Variants in PRKN observed in about 807,000 individuals in gnomAD.
The protein encoded by PRKN is E3 ubiquitin-protein ligase parkin.
A neutral mutation model predicts 59.5 loss-of-function variants in PRKN; 56 were observed. That is an observed-to-expected ratio of 0.94 (90% CI 0.76 to 1.18). PRKN has a LOEUF of 1.18. Ranked by LOEUF, PRKN falls within the 50% of genes most tolerant of loss-of-function variation. The pLI is 0.00. For synonymous variants in PRKN, 250 were observed against 222.1 expected, an observed-to-expected ratio of 1.13 and a Z score of -1.12; for missense variants, 657 against 596.4, an observed-to-expected ratio of 1.10 and a Z score of -1.06.
intron 4 of PRKN, among the ~76,000 whole-genome samples, chr6:162,102,243 G>A (rs570025108): frequency 3.3e-5 from 5 of 151,854 alleles, no homozygotes; most frequent in African/African-American, 9.7e-5. Flanking sequence ...CTGTGTCCCT[G>A]TGTTCTCACT....
intron 6 of PRKN, among the ~76,000 whole-genome samples, chr6:161,945,658 C>T (rs1188603757): frequency 6.6e-6 from 1 of 152,162 alleles, no homozygotes; most frequent in East Asian, 1.9e-4. Flanking sequence ...TGGTTTGTTG[C>T]CTGTTTCTGG....
At chr6:162,570,157 C>A (rs1252758965) in intron 1 of PRKN, among the ~76,000 whole-genome samples, 2 of 152,128 alleles carry the variant, frequency 1.3e-5, no homozygotes, top group Non-Finnish European at 2.9e-5. Flanking sequence ...TTTGAACAGA[C>A]ATTTCTCAAA....
intron 9 of PRKN, among the ~76,000 whole-genome samples, chr6:161,464,625 T>C (rs1344510745): frequency 1.3e-5 from 2 of 152,202 alleles, no homozygotes; most frequent in Admixed American, 6.5e-5. Flanking sequence ...TCATTGAACT[T>C]CTTTGTGTAA....
chr6:161,443,309 CAA>C (rs145832867), intron 9 of PRKN, among the ~76,000 whole-genome samples: 24 of 79,926 alleles, frequency 3.0e-4, no homozygotes, highest in Admixed American at 2.8e-4. Context: ...GACTCCGTCT[CAA>C]AAAAAAAAAA....
chr6:161,619,240 T>TA (rs67512352), intron 7 of PRKN, among the ~76,000 whole-genome samples: 37,665 of 99,322 alleles, frequency 0.38, 7,737 homozygotes, highest in African/African-American at 0.42. Context: ...CTGTCTTCAT[T>TA]AAAAAAAAAA....
chr6:162,331,702 C>T (rs1783582779), intron 2 of PRKN, among the ~76,000 whole-genome samples: 1 of 152,142 alleles, frequency 6.6e-6, no homozygotes, highest in Admixed American at 6.6e-5. Flanking sequence ...AAATCAAATT[C>T]CTTCAGAGGA....
At chr6:162,531,554 C>T (rs574044517) in intron 1 of PRKN, among the ~76,000 whole-genome samples, 2 of 152,092 alleles carry the variant, frequency 1.3e-5, no homozygotes, top group South Asian at 4.2e-4. Context: ...TGCATTCAGT[C>T]AGTTCCTAGG....
chr6:161,746,642 GTATATATCTATATAGATATATA>G lies in PRKN; in HGVS notation c.871+39108_871+39129del, dbSNP rs200364575. On this transcript the variant is annotated intron_variant, in intron 7 of 11. Coordinates refer to ENST00000366898, the MANE Select transcript of PRKN (RefSeq NM_004562.3). ...GATATATACACATATATGTATATAT[GTATATATCTATATAGATATATA>G]TGTATATCTATAGATATATCTATAT... Among the ~76,000 whole-genome samples the G allele has an allele frequency of 1.1e-4, 15 of 140,372 alleles. No homozygotes were observed. The East Asian group carries it at 2.8e-3, about 26-fold the overall frequency. 92.1% of individuals were successfully genotyped at this position (140,372 alleles called of 152,430 possible).
chr6:161,608,645 G>A (rs569672095), intron 7 of PRKN, among the ~76,000 whole-genome samples: 1 of 151,866 alleles, frequency 6.6e-6, no homozygotes, highest in African/African-American at 2.4e-5. Context: ...TGATTCTCCT[G>A]CCTCAGCCTC....
intron 7 of PRKN, among the ~76,000 whole-genome samples, chr6:161,626,405 C>T (rs773735520): frequency 3.9e-5 from 6 of 152,188 alleles, no homozygotes; most frequent in Non-Finnish European, 7.3e-5. Flanking sequence ...TGCTTCAGGT[C>T]CCGTTAGTGG....
intron 7 of PRKN, among the ~76,000 whole-genome samples, chr6:161,599,700 T>C (rs1782039652): frequency 6.6e-6 from 1 of 152,206 alleles, no homozygotes; most frequent in African/African-American, 2.4e-5. Flanking sequence ...CTTGAATTGT[T>C]CTAGCTGTGT....
intron 4 of PRKN, among the ~76,000 whole-genome samples, chr6:162,119,226 A>G (rs1435601190): frequency 6.6e-6 from 1 of 152,198 alleles, no homozygotes; most frequent in Admixed American, 6.5e-5. Context: ...TTTGTTCCAA[A>G]GCACTGCAGG....
rs577170931 is a variant in PRKN, at chr6:161,548,708, T to C, written c.1083+146A>G. ...TCAAATCTGGAGTCCTATAAAGGAA[T>C]TTAAAATCTATTTTCTTATATGTAA... On this transcript the variant is annotated intron_variant, in intron 9 of 11. Coordinates refer to ENST00000366898, the MANE Select transcript of PRKN (RefSeq NM_004562.3). The surrounding 1 kb of genome is among the most constrained non-coding windows in gnomAD (Gnocchi z 4.2). 4 of 770,644 alleles carry C rather than the reference T, an allele frequency of 5.2e-6. No individual in the cohort carries two copies. In the East Asian group the frequency reaches 1.0e-4, roughly 20 times the overall value. The allele number at this position is 770,644 out of a possible 1,614,324, so 47.7% of individuals were successfully genotyped here.
intron 4 of PRKN, among the ~76,000 whole-genome samples, chr6:162,088,156 G>T (rs1047043075): frequency 2.0e-5 from 3 of 152,092 alleles, no homozygotes; most frequent in African/African-American, 7.2e-5. Flanking sequence ...ATTGGGCAAA[G>T]AAACAAAAAT....
intron 4 of PRKN, among the ~76,000 whole-genome samples, chr6:162,188,401 C>A (rs1327663228): frequency 6.6e-6 from 1 of 152,130 alleles, no homozygotes; most frequent in Non-Finnish European, 1.5e-5. Context: ...CCAACCCTGC[C>A]TCTTCATTCT....
chr6:161,852,148 T>A (rs550703708), intron 6 of PRKN, among the ~76,000 whole-genome samples: 1 of 151,664 alleles, frequency 6.6e-6, no homozygotes, highest in South Asian at 2.1e-4. Flanking sequence ...GGGAATTTTT[T>A]AAATAAACAA....
At chr6:161,540,693 C>A (rs926708035) in intron 9 of PRKN, among the ~76,000 whole-genome samples, 1 of 152,188 alleles carries the variant, frequency 6.6e-6, no homozygotes, top group Non-Finnish European at 1.5e-5. Context: ...ACCTGTCTTA[C>A]AAAATGTACC....
intron 4 of PRKN, among the ~76,000 whole-genome samples, chr6:162,112,284 C>T (rs1780472903): frequency 6.6e-6 from 1 of 152,012 alleles, no homozygotes; most frequent in South Asian, 2.1e-4. Context: ...AAATGATGTC[C>T]CAGTCTAAAG....
At chr6:161,508,651 C>T in intron 9 of PRKN, among the ~76,000 whole-genome samples, 1 of 152,120 alleles carries the variant, frequency 6.6e-6, no homozygotes. Flanking sequence ...TTCATAAATC[C>T]AATTCCTCAA....
Sources: gnomAD v4.1 joint callset for allele counts (sites outside exome capture counted in the v4.1 genomes callset) on GRCh38, gnomAD v4.1.1 for gene constraint, Gnocchi (gnomAD v3.1) non-coding constraint, MANE v1.5 for transcripts, NCBI Gene and HGNC (gene_info 2026-07-23, HGNC 2026-07-21) for gene names.